Variants in MYO16 observed in about 807,000 individuals in gnomAD.
The protein encoded by MYO16 is unconventional myosin-XVI.
Under a neutral mutation model 205.3 loss-of-function variants are expected in MYO16, and 94 were observed. The observed-to-expected ratio is 0.46, with a 90% confidence interval of 0.39 to 0.54. The LOEUF (loss-of-function observed/expected upper bound fraction) is 0.54, where lower values mean the gene tolerates loss of function less well. Ranked by LOEUF, MYO16 falls within the 20% of genes least tolerant of loss-of-function variation. The pLI, the probability that MYO16 is intolerant of heterozygous loss-of-function variation, is 0.00. For synonymous variants in MYO16, 988 were observed against 954.0 expected (o/e 1.04, Z -0.66); for missense variants, 2,315 against 2,387.5 (o/e 0.97, Z 0.63).
intron 22 of MYO16, among the ~76,000 whole-genome samples, chr13:109,014,614 C>G (rs1167948103): frequency 6.6e-6 from 1 of 152,144 alleles, no homozygotes; most frequent in Non-Finnish European, 1.5e-5. Flanking sequence ...GAATGTTCTT[C>G]CATTTGTTTG....
At chr13:108,955,210 C>T (rs186619052) in intron 16 of MYO16, among the ~76,000 whole-genome samples, 194 of 152,312 alleles carry the variant, frequency 1.3e-3, no homozygotes, top group African/African-American at 4.4e-3. Context: ...ATTTCTGCAG[C>T]GAGAGGCAGA....
the MYO16 span, among the ~76,000 whole-genome samples, chr13:108,563,857 C>G: frequency 1.3e-5 from 2 of 152,042 alleles, no homozygotes; most frequent in African/African-American, 4.8e-5. Flanking sequence ...GGGTATATAC[C>G]CAGCAGTGGG....
At chr13:108,778,628 A>AT (rs1886202641) in intron 4 of MYO16, among the ~76,000 whole-genome samples, 1 of 150,738 alleles carries the variant, frequency 6.6e-6, no homozygotes, top group East Asian at 2.0e-4. Flanking sequence ...AAAAAAATAT[A>AT]TATTTTTTTT....
At chr13:108,551,843 G>T in the MYO16 span, among the ~76,000 whole-genome samples, 2 of 152,154 alleles carry the variant, frequency 1.3e-5, no homozygotes, top group Admixed American at 6.6e-5. Context: ...AAATAATCCT[G>T]AGGCAATGGT....
intron 34 of MYO16, among the ~76,000 whole-genome samples, chr13:109,182,260 C>T (rs1302093539): frequency 6.6e-6 from 1 of 152,120 alleles, no homozygotes; most frequent in African/African-American, 2.4e-5. Context: ...GGAAGGGACT[C>T]CCTCTTCCTC....
chr13:108,940,652 G>A (rs373520892), intron 16 of MYO16, among the ~76,000 whole-genome samples: 1 of 152,262 alleles, frequency 6.6e-6, no homozygotes, highest in South Asian at 2.1e-4. Context: ...GAGAAAAATA[G>A]TCAAACAATA....
intron 13 of MYO16, among the ~76,000 whole-genome samples, chr13:108,883,660 G>T (rs1879724323): frequency 6.7e-6 from 1 of 149,552 alleles, no homozygotes; most frequent in African/African-American, 2.5e-5. Flanking sequence ...TTTGAGACAG[G>T]GTCTTGCTCT....
intron 4 of MYO16, among the ~76,000 whole-genome samples, chr13:108,745,346 A>G (rs893708621): frequency 2.0e-5 from 3 of 152,212 alleles, no homozygotes; most frequent in Non-Finnish European, 4.4e-5. Flanking sequence ...TTTTACCTCT[A>G]GGTAAAACGA....
intron 9 of MYO16, among the ~76,000 whole-genome samples, chr13:108,825,683 T>C (rs1876222956): frequency 6.6e-6 from 1 of 151,838 alleles, no homozygotes; most frequent in African/African-American, 2.4e-5. Flanking sequence ...TATAGAAAAT[T>C]CTAAGGAATT....
At chr13:108,729,688 T>C (rs1051820136) in intron 4 of MYO16, among the ~76,000 whole-genome samples, 4 of 152,222 alleles carry the variant, frequency 2.6e-5, no homozygotes, top group African/African-American at 9.6e-5. Flanking sequence ...AAATCCTGCT[T>C]CCATTTCCTC....
the MYO16 span, among the ~76,000 whole-genome samples, chr13:108,553,045 G>A: frequency 1.1e-5 from 1 of 94,616 alleles, no homozygotes; most frequent in Admixed American, 1.8e-4. Context: ...TTGAGACAGA[G>A]TCTTGCTCTG....
At chr13:109,159,584 C>A (rs545214490) in intron 32 of MYO16, among the ~76,000 whole-genome samples, 1 of 152,322 alleles carries the variant, frequency 6.6e-6, no homozygotes, top group East Asian at 1.9e-4. Flanking sequence ...TGTATTTGCC[C>A]ACATTCCAGA....
intron 2 of MYO16, among the ~76,000 whole-genome samples, chr13:108,671,763 C>T (rs1163976963): frequency 6.6e-6 from 1 of 152,130 alleles, no homozygotes; most frequent in Non-Finnish European, 1.5e-5. Context: ...AGGTACCTGG[C>T]TTGCTGACAG....
At chr13:108,780,849 A>T (rs918727067) in intron 4 of MYO16, among the ~76,000 whole-genome samples, 14 of 152,274 alleles carry the variant, frequency 9.2e-5, no homozygotes, top group African/African-American at 2.9e-4. Flanking sequence ...CCAGGTAATA[A>T]GGCCGGCTTC....
chr13:109,139,645 C>T (rs1219800956), intron 31 of MYO16, among the ~76,000 whole-genome samples: 2 of 152,156 alleles, frequency 1.3e-5, no homozygotes, highest in African/African-American at 4.8e-5. Flanking sequence ...ATTCTTGGCC[C>T]TTTTAAGGGC....
intron 2 of MYO16, among the ~76,000 whole-genome samples, chr13:108,666,709 A>G (rs1406723651): frequency 1.3e-5 from 2 of 152,148 alleles, no homozygotes; most frequent in Non-Finnish European, 2.9e-5. Context: ...TCAGGAGTCA[A>G]TTTCTTTTCT....
At chr13:109,158,009 C>G (rs183580985) in intron 32 of MYO16, among the ~76,000 whole-genome samples, 1 of 152,258 alleles carries the variant, frequency 6.6e-6, no homozygotes, top group Admixed American at 6.5e-5. Flanking sequence ...AGGTTTGGAC[C>G]TTGTAGGACG....
At chr13:108,542,809 G>A in the MYO16 span, among the ~76,000 whole-genome samples, 1 of 151,882 alleles carries the variant, frequency 6.6e-6, no homozygotes, top group African/African-American at 2.4e-5. Context: ...GAAAATGTGA[G>A]AAAGCCCATC....
intron 1 of MYO16, among the ~76,000 whole-genome samples, chr13:108,645,223 T>C (rs994103326): frequency 3.3e-5 from 5 of 152,204 alleles, no homozygotes; most frequent in Non-Finnish European, 5.9e-5. Flanking sequence ...CTTACATTGA[T>C]AAGATCTGAC....
Sources: gnomAD v4.1 joint callset for allele counts (sites outside exome capture counted in the v4.1 genomes callset) on GRCh38, gnomAD v4.1.1 for gene constraint, MANE v1.5 for transcripts, NCBI Gene and HGNC (gene_info 2026-07-23, HGNC 2026-07-21) for gene names.